The following NEDD4 variants were observed in gnomAD, a reference collection of about 807,000 sequenced individuals.
NEDD4 encodes NEDD4 E3 ubiquitin protein ligase.
In NEDD4, 99 loss-of-function variants were observed where a neutral mutation model predicts 144.9. The ratio of observed to expected loss-of-function variants is 0.68; its 90% CI spans 0.58 to 0.81. NEDD4 has a LOEUF of 0.81. Ranked by LOEUF, NEDD4 falls within the 30% of genes least tolerant of loss-of-function variation. The probability of loss-of-function intolerance (pLI) is 0.00; values close to 1 mark genes in which losing one functional copy is unlikely to be tolerated. For missense variants in NEDD4, 985 were observed against 1,065.9 expected, an observed-to-expected ratio of 0.92 and a Z score of 1.06; for synonymous variants, 318 against 350.6, an observed-to-expected ratio of 0.91 and a Z score of 1.04.
chr15:55,936,719 T>C (rs146163321), intron 4 of NEDD4, among the ~76,000 whole-genome samples: 1 of 152,268 alleles, frequency 6.6e-6, no homozygotes, highest in African/African-American at 2.4e-5. Flanking sequence ...ACATGTGCAT[T>C]GCACCTAATG....
chr15:55,902,388 T>C (rs1037967086), intron 5 of NEDD4, among the ~76,000 whole-genome samples: 3 of 152,196 alleles, frequency 2.0e-5, no homozygotes, highest in Non-Finnish European at 4.4e-5. Context: ...CTTTTACCAT[T>C]AATTTTGTCA....
chr15:55,876,163 A>G (rs1293198765), intron 5 of NEDD4, among the ~76,000 whole-genome samples: 3 of 152,166 alleles, frequency 2.0e-5, no homozygotes, highest in African/African-American at 7.2e-5. Context: ...AACTATCCAT[A>G]AAAAAGGGAA....
intron 4 of NEDD4, among the ~76,000 whole-genome samples, chr15:55,926,369 T>G (rs1462378763): frequency 6.6e-6 from 1 of 152,192 alleles, no homozygotes; most frequent in African/African-American, 2.4e-5. Context: ...CTTTCCTGTC[T>G]GAAATGTTGT....
intron 4 of NEDD4, among the ~76,000 whole-genome samples, chr15:55,925,976 A>C (rs956994941): frequency 2.0e-5 from 3 of 152,036 alleles, no homozygotes; most frequent in African/African-American, 7.2e-5. Flanking sequence ...ATATGTAAAA[A>C]TACATATACA....
Position 55,849,533 on chromosome 15 carries a change from A to T in NEDD4, c.1348-647T>A, listed in dbSNP as rs144727004. Among the ~76,000 whole-genome samples the T allele has an allele frequency of 3.5e-4, 53 of 152,236 alleles. 1 individual carries two copies. The East Asian group carries it at 9.5e-3, about 27-fold the overall frequency. On this transcript the variant is annotated intron_variant, in intron 14 of 28. Transcript: ENST00000435532. ...GGCCCTGGACCACATGATATTTCTAAGCCCCAGAACATGCATTTTGCCAGC... is the reference window on the plus strand; with the variant it reads ...GGCCCTGGACCACATGATATTTCTATGCCCCAGAACATGCATTTTGCCAGC...
At chr15:55,961,624 C>A (rs1223496330) in intron 2 of NEDD4, among the ~76,000 whole-genome samples, 1 of 152,112 alleles carries the variant, frequency 6.6e-6, no homozygotes, top group South Asian at 2.1e-4. Flanking sequence ...GAGCCCACCA[C>A]CACACCCGGA....
chr15:55,880,912 C>T (rs2142089712), intron 5 of NEDD4, among the ~76,000 whole-genome samples: 1 of 152,260 alleles, frequency 6.6e-6, no homozygotes, highest in South Asian at 2.1e-4. Context: ...ATTTAAAATA[C>T]TGGCGTATAT....
intron 21 of NEDD4, among the ~76,000 whole-genome samples, chr15:55,838,876 A>G (rs2033338172): frequency 6.6e-6 from 1 of 152,212 alleles, no homozygotes; most frequent in African/African-American, 2.4e-5. Flanking sequence ...TTTATGTGGA[A>G]GCAGTGGAGG....
Position 55,951,546 on chromosome 15 carries a change from C to A in NEDD4, c.163G>T (p.Val55Phe). 6.5e-7 allele frequency: 1 copy of A among 1,526,890 alleles called. No homozygotes were observed. Among genetic ancestry groups the A allele is most frequent in the Admixed American group, 2.1e-5 (1 of 47,188 alleles). The allele number at this position is 1,526,890 out of a possible 1,614,324, so 94.6% of individuals were successfully genotyped here. ...GTTTTTGTTTGCACACTTGTAAGAA[C>A]TCCATTCATTGGGTCATATAACGTC... ...RVTLYDPMNGVLTSVQTKTIK... is the reference protein window; with the variant it reads ...RVTLYDPMNGFLTSVQTKTIK... Residue 55 changes from valine (V) to phenylalanine (F), a missense_variant, in exon 3 of 29, where the codon GTT (valine) becomes TTT (phenylalanine). Coordinates refer to ENST00000435532, the MANE Select transcript of NEDD4 (RefSeq NM_006154.4).
chr15:55,871,357 A>G (rs1371152186), intron 7 of NEDD4, among the ~76,000 whole-genome samples: 1 of 152,232 alleles, frequency 6.6e-6, no homozygotes, highest in Non-Finnish European at 1.5e-5. Context: ...TACATTTTCT[A>G]TCTGAATAAA....
intron 1 of NEDD4, among the ~76,000 whole-genome samples, chr15:55,970,818 G>C (rs1388502270): frequency 1.3e-5 from 2 of 152,112 alleles, no homozygotes; most frequent in Admixed American, 6.5e-5. Context: ...AAGAAGGATG[G>C]GTACAAACCA....
chr15:55,849,984 G>A (rs905918160), intron 14 of NEDD4, among the ~76,000 whole-genome samples: 14 of 151,784 alleles, frequency 9.2e-5, no homozygotes, highest in African/African-American at 2.9e-4. Context: ...TAGTAGAAAC[G>A]GGGTTTCACC....
intron 5 of NEDD4, among the ~76,000 whole-genome samples, chr15:55,911,041 A>G (rs912226941): frequency 2.0e-5 from 3 of 151,150 alleles, no homozygotes; most frequent in Non-Finnish European, 2.9e-5. Context: ...CCACATCCCC[A>G]GGCTACCCTA....
chr15:55,926,286 C>T (rs1428353424), intron 4 of NEDD4, among the ~76,000 whole-genome samples: 1 of 152,126 alleles, frequency 6.6e-6, no homozygotes, highest in Non-Finnish European at 1.5e-5. Flanking sequence ...TAGTGCCAGT[C>T]ACTCCTCAGG....
intron 12 of NEDD4, among the ~76,000 whole-genome samples, chr15:55,854,324 G>T (rs1248468648): frequency 6.6e-6 from 1 of 152,144 alleles, no homozygotes; most frequent in Admixed American, 6.5e-5. Context: ...CGTACTTTGG[G>T]GACAGTTGTG....
intron 1 of NEDD4, among the ~76,000 whole-genome samples, chr15:55,970,583 G>A (rs1265234242): frequency 6.6e-6 from 1 of 152,140 alleles, no homozygotes; most frequent in African/African-American, 2.4e-5. Flanking sequence ...CAGAGAGAGG[G>A]AGAGACTCCA....
intron 2 of NEDD4, among the ~76,000 whole-genome samples, chr15:55,955,713 A>C (rs2037324830): frequency 6.6e-6 from 1 of 151,806 alleles, no homozygotes; most frequent in African/African-American, 2.4e-5. Flanking sequence ...TGAGATTGGT[A>C]ATCTGCCCAT....
intron 5 of NEDD4, among the ~76,000 whole-genome samples, chr15:55,886,916 A>G (rs1396974597): frequency 6.6e-6 from 1 of 152,158 alleles, no homozygotes; most frequent in Non-Finnish European, 1.5e-5. Flanking sequence ...TAATGAAGAA[A>G]TTAAGAAGGA....
intron 5 of NEDD4, 25 bp downstream of exon 5, chr15:55,924,621 T>G: frequency 6.3e-7 from 1 of 1,592,024 alleles, no homozygotes; most frequent in Non-Finnish European, 8.6e-7. Context: ...TACTTCATAT[T>G]TCATATAAGC....
Sources: gnomAD v4.1 joint callset for allele counts (sites outside exome capture counted in the v4.1 genomes callset) on GRCh38, gnomAD v4.1.1 for gene constraint, MANE v1.5 for transcripts, NCBI Gene and HGNC (gene_info 2026-07-23, HGNC 2026-07-21) for gene names.